Variants in PIK3C2G observed in about 807,000 individuals in gnomAD.
The protein encoded by PIK3C2G is phosphatidylinositol 3-kinase C2 domain-containing subunit gamma.
In PIK3C2G, 168 loss-of-function variants were observed where a neutral mutation model predicts 181.1. The ratio of observed to expected loss-of-function variants is 0.93; its 90% CI spans 0.82 to 1.05. The LOEUF is 1.05. PIK3C2G is among the 50% of genes least tolerant of loss of function. The pLI is 0.00. For missense variants in PIK3C2G, 1,869 were observed against 1,732.8 expected (o/e 1.08, Z -1.40); for synonymous variants, 573 against 592.2 (o/e 0.97, Z 0.47).
chr12:18,456,594 T>A (rs763471923), intron 18 of PIK3C2G, among the ~76,000 whole-genome samples: 4 of 152,160 alleles, frequency 2.6e-5, no homozygotes, highest in Non-Finnish European at 4.4e-5. Flanking sequence ...GTCCCCTACC[T>A]GGCCAGCACT....
chr12:18,558,167 A>T (rs1004791355), intron 26 of PIK3C2G, among the ~76,000 whole-genome samples: 3 of 152,174 alleles, frequency 2.0e-5, no homozygotes, highest in African/African-American at 7.2e-5. Flanking sequence ...CAAAGAGATA[A>T]ATGCAACAAA....
chr12:18,436,639 G>C (rs1490517946), intron 18 of PIK3C2G, among the ~76,000 whole-genome samples: 3 of 151,886 alleles, frequency 2.0e-5, no homozygotes, highest in African/African-American at 4.8e-5. Flanking sequence ...CATGTGTATT[G>C]CCTACAGGTT....
intron 15 of PIK3C2G, among the ~76,000 whole-genome samples, chr12:18,394,981 T>C (rs1001619010): frequency 1.3e-5 from 2 of 151,574 alleles, no homozygotes; most frequent in Admixed American, 1.3e-4. Context: ...TACTCTCCCT[T>C]TCTTTCTTTC....
chr12:18,543,994 A>G (rs950807510), intron 25 of PIK3C2G, among the ~76,000 whole-genome samples: 3 of 151,916 alleles, frequency 2.0e-5, no homozygotes, highest in South Asian at 2.1e-4. Context: ...AGCAATACGT[A>G]CTATGAAAGA....
At position 18,339,210 on chromosome 12, in the gene PIK3C2G, A is replaced by G. The variant is rs552650407; in HGVS notation, c.1395+662A>G. Among the ~76,000 whole-genome samples the G allele has an allele frequency of 3.7e-4, 56 of 152,264 alleles. No individual in the cohort carries two copies. In the Middle Eastern group the frequency reaches 0.017, roughly 46 times the overall value. The stretch of plus-strand genomic sequence containing the variant: ...ATATTACGACATCTGGTTACAATAA[A>G]TTCATTTATCTTATTATTAGTTTAG... On this transcript the variant is annotated intron_variant, in intron 9 of 32. Transcript: ENST00000538779.
intron 5 of PIK3C2G, among the ~76,000 whole-genome samples, chr12:18,306,643 C>T (rs988733985): frequency 1.3e-5 from 2 of 152,034 alleles, no homozygotes; most frequent in African/African-American, 4.8e-5. Context: ...AATGTGTGTA[C>T]ATGTGCCAAG....
At chr12:18,469,519 C>A (rs1233984519) in intron 18 of PIK3C2G, among the ~76,000 whole-genome samples, 1 of 152,034 alleles carries the variant, frequency 6.6e-6, no homozygotes, top group East Asian at 1.9e-4. Context: ...AATCATTTTT[C>A]AAATTGTAGT....
At chr12:18,671,728 T>C in the PIK3C2G span, among the ~76,000 whole-genome samples, 1 of 148,586 alleles carries the variant, frequency 6.7e-6, no homozygotes, top group South Asian at 2.1e-4. Flanking sequence ...GAAATTTGAA[T>C]TTTTTTCCAA....
intron 18 of PIK3C2G, among the ~76,000 whole-genome samples, chr12:18,439,238 T>C (rs779000103): frequency 1.3e-5 from 2 of 152,030 alleles, no homozygotes; most frequent in Non-Finnish European, 2.9e-5. Flanking sequence ...GTTGGAAATA[T>C]GTGTGTCATT....
chr12:18,436,235 G>T (rs1592254789), intron 18 of PIK3C2G, among the ~76,000 whole-genome samples: 1 of 152,040 alleles, frequency 6.6e-6, no homozygotes, highest in Admixed American at 6.6e-5. Flanking sequence ...TGCAGCAAGA[G>T]TAAAGAGAAT....
At chr12:18,371,720 G>T (rs2137880765) in intron 13 of PIK3C2G, among the ~76,000 whole-genome samples, 1 of 152,244 alleles carries the variant, frequency 6.6e-6, no homozygotes, top group African/African-American at 2.4e-5. Context: ...TTCTTGTGAA[G>T]AAGAAATATT....
intron 11 of PIK3C2G, among the ~76,000 whole-genome samples, chr12:18,353,523 C>T (rs1940429974): frequency 6.6e-6 from 1 of 152,134 alleles, no homozygotes; most frequent in African/African-American, 2.4e-5. Flanking sequence ...GTATTCTTGC[C>T]ATATCTGTAG....
At chr12:18,710,779 A>G in the PIK3C2G span, among the ~76,000 whole-genome samples, 1 of 152,192 alleles carries the variant, frequency 6.6e-6, no homozygotes, top group African/African-American at 2.4e-5. Context: ...AAACACATGA[A>G]AAAATGCTCA....
At chr12:18,665,629 C>G in the PIK3C2G span, among the ~76,000 whole-genome samples, 5 of 152,104 alleles carry the variant, frequency 3.3e-5, no homozygotes, top group East Asian at 7.8e-4. Flanking sequence ...CCTGTCTGTA[C>G]TGAAAATACA....
intron 18 of PIK3C2G, among the ~76,000 whole-genome samples, chr12:18,442,854 C>T (rs1946818801): frequency 1.3e-5 from 2 of 151,666 alleles, no homozygotes; most frequent in Non-Finnish European, 2.9e-5. Flanking sequence ...ACAAGTTCCT[C>T]TGTATGGTCA....
chr12:18,644,455 C>G (rs1277876458), intron 32 of PIK3C2G, among the ~76,000 whole-genome samples: 1 of 151,986 alleles, frequency 6.6e-6, no homozygotes, highest in African/African-American at 2.4e-5. Context: ...TATATTGTAA[C>G]CTTTTCTTAT....
chr12:18,574,493 A>G (rs770243261), intron 29 of PIK3C2G, among the ~76,000 whole-genome samples: 15 of 152,190 alleles, frequency 9.9e-5, no homozygotes, highest in Non-Finnish European at 1.3e-4. Context: ...TGCATCTAGA[A>G]TGGGCTTCTT....
At chr12:18,387,802 T>A (rs1943270912) in intron 14 of PIK3C2G, among the ~76,000 whole-genome samples, 1 of 152,214 alleles carries the variant, frequency 6.6e-6, no homozygotes, top group South Asian at 2.1e-4. Flanking sequence ...GGAATAATGT[T>A]TTTGTTAAAT....
At chr12:18,347,362 AT>A (rs1247981099) in intron 11 of PIK3C2G, among the ~76,000 whole-genome samples, 1 of 152,166 alleles carries the variant, frequency 6.6e-6, no homozygotes, top group Non-Finnish European at 1.5e-5. Flanking sequence ...ATATCATCAG[AT>A]TTTAAGTTGA....
Sources: allele counts gnomAD v4.1 joint callset (sites outside exome capture counted in the v4.1 genomes callset), GRCh38; gene constraint gnomAD v4.1.1; transcripts MANE v1.5; gene names NCBI Gene and HGNC (gene_info 2026-07-23, HGNC 2026-07-21).